Variants in RPAP1 observed in about 807,000 individuals in gnomAD.
RPAP1 encodes the protein RNA polymerase II-associated protein 1.
RPAP1 carries 109 observed loss-of-function variants against 142.4 expected under a neutral mutation model. The ratio of observed to expected loss-of-function variants is 0.77; its 90% CI spans 0.66 to 0.90. The LOEUF (loss-of-function observed/expected upper bound fraction) is 0.90, where lower values mean the gene tolerates loss of function less well. RPAP1 is among the 40% of genes least tolerant of loss of function. The pLI, the probability that RPAP1 is intolerant of heterozygous loss-of-function variation, is 0.00. For synonymous variants in RPAP1, 704 were observed against 738.9 expected (o/e 0.95, Z 0.77); for missense variants, 1,546 against 1,751.7 (o/e 0.88, Z 2.10).
chr15:41,527,016 G>T lies in RPAP1; in HGVS notation c.1799C>A (p.Thr600Asn). Reference protein sequence around the residue: ...IETIVREFLPTSWSPVGAGPT... With the variant: ...IETIVREFLPNSWSPVGAGPT... Reference sequence around the variant, plus strand: ...CCCTGCCCCCACAGGAGACCAACTGGTGGGCAAGAACTCTCGAACTATAGT... The same window carrying T: ...CCCTGCCCCCACAGGAGACCAACTGTTGGGCAAGAACTCTCGAACTATAGT... The change falls in exon 14 of 25, where the codon ACC (threonine) becomes AAC (asparagine). Residue 600 changes from threonine to asparagine, a missense_variant. By Grantham distance (65) the Thr-to-Asn change is moderately conservative (BLOSUM62 0). Transcript: ENST00000304330. 1.2e-6 allele frequency: 2 copies of T among 1,614,208 alleles called. No homozygotes were observed. The highest frequency in any genetic ancestry group is 1.7e-6 in the Non-Finnish European group (2 of 1,180,034).
chr15:41,531,689 G>A (rs565066068), intron 6 of RPAP1, among the ~76,000 whole-genome samples: 2 of 137,910 alleles, frequency 1.5e-5, no homozygotes, highest in East Asian at 2.1e-4. Flanking sequence ...CGCCCGGGCT[G>A]GAGTGCAGTG....
chr15:41,534,609 G>GCA (rs2051888766), intron 6 of RPAP1, 105 bp downstream of exon 6: 2 of 269,882 alleles, frequency 7.4e-6, no homozygotes, highest in African/African-American at 6.2e-5. Context: ...AAAAAAAAAA[G>GCA]CATTAAAGTA....
intron 1 of RPAP1, among the ~76,000 whole-genome samples, chr15:41,539,376 C>T (rs1219335113): frequency 6.6e-6 from 1 of 152,074 alleles, no homozygotes; most frequent in Non-Finnish European, 1.5e-5. Context: ...CTCACTGCAA[C>T]CTCTGACTCC....
intron 14 of RPAP1, among the ~76,000 whole-genome samples, chr15:41,525,390 G>A (rs2051781178): frequency 6.6e-6 from 1 of 151,986 alleles, no homozygotes; most frequent in African/African-American, 2.4e-5. Flanking sequence ...CCTGGCTGGA[G>A]TGCAGTGGAG....
At chr15:41,531,264 C>T in intron 6 of RPAP1, 62 bp from the exon 7 acceptor site, 2 of 1,478,362 alleles carry the variant, frequency 1.4e-6, no homozygotes, top group Non-Finnish European at 1.9e-6. Flanking sequence ...TCCTACAGAC[C>T]TGGAACCCGC....
rs981802213 is a variant in RPAP1 at position 41,536,928 on chromosome 15, C to T, written c.181+17G>A. The T allele has an allele frequency of 6.2e-7, 1 of 1,610,740 alleles. No individual in the cohort carries two copies. Among genetic ancestry groups the T allele is most frequent in the Admixed American group, 1.7e-5 (1 of 59,872 alleles). Reference sequence around the variant, plus strand: ...GTACCCTCTCTACTTCTCAGCCTCACATCCATGGGAACTCACTGTCCAACA... The same window carrying T: ...GTACCCTCTCTACTTCTCAGCCTCATATCCATGGGAACTCACTGTCCAACA... On this transcript the variant is annotated intron_variant, in intron 2 of 24. Coordinates refer to ENST00000304330, the MANE Select transcript of RPAP1 (RefSeq NM_015540.4).
At chr15:41,523,043 A>G in intron 18 of RPAP1, 83 bp from the exon 19 acceptor site, 2 of 1,215,082 alleles carry the variant, frequency 1.6e-6, no homozygotes, top group Non-Finnish European at 2.2e-6. Flanking sequence ...TGTACCTAAG[A>G]CTAACGGGGG....
At chr15:41,533,914 G>A (rs1280414596) in intron 6 of RPAP1, among the ~76,000 whole-genome samples, 4 of 151,800 alleles carry the variant, frequency 2.6e-5, no homozygotes, top group Non-Finnish European at 1.5e-5. Context: ...CTGAGGTCAG[G>A]AGTTCGACAC....
chr15:41,540,198 C>T (rs952963231), intron 1 of RPAP1, among the ~76,000 whole-genome samples: 2 of 152,144 alleles, frequency 1.3e-5, no homozygotes, highest in Non-Finnish European at 2.9e-5. Context: ...ATTGTTATAT[C>T]TAACACTTAT....
chr15:41,523,740 G>C lies in RPAP1; in HGVS notation c.2436+31C>G, dbSNP rs775434256. 3.2e-6 allele frequency: 5 copies of C among 1,555,114 alleles called. No individual in the cohort carries two copies. The South Asian group carries it at 4.7e-5, about 15-fold the overall frequency. ...ATGTAGCTGAAGGCAGGGTGCGGGG[G>C]CCTGGTGGACAGCCGGCAGGAGGCA... On this transcript the variant is annotated intron_variant, in intron 17 of 24. Coordinates refer to ENST00000304330, the MANE Select transcript of RPAP1 (RefSeq NM_015540.4).
chr15:41,535,465 G>T (rs1303801827), intron 5 of RPAP1, 47 bp downstream of exon 5: 1 of 1,552,662 alleles, frequency 6.4e-7, no homozygotes, highest in Non-Finnish European at 8.7e-7. Flanking sequence ...CCCTATGATT[G>T]TGTCTTTTAA....
intron 1 of RPAP1, among the ~76,000 whole-genome samples, chr15:41,538,989 A>T (rs2051943237): frequency 6.6e-6 from 1 of 152,234 alleles, no homozygotes; most frequent in Non-Finnish European, 1.5e-5. Flanking sequence ...GTAGATTAGT[A>T]GTTGCCAGGG....
At chr15:41,526,028 C>G (rs1295656759) in intron 14 of RPAP1, among the ~76,000 whole-genome samples, 1 of 152,120 alleles carries the variant, frequency 6.6e-6, no homozygotes, top group African/African-American at 2.4e-5. Context: ...TGGCTCACTC[C>G]ACCCTCCATC....
At position 41,534,748 on chromosome 15, in the gene RPAP1, G is replaced by A. The variant is rs970709653; in HGVS notation, c.729C>T (p.Ile243=). Residue 243 remains isoleucine (I), a synonymous_variant, in exon 6 of 25, where the codon ATC becomes ATT. Transcript: ENST00000304330. ...CCAGCAACCGCTGCTGTTCCTGCAG[G>A]ATCTCCTCAGGAGCCATGGCCTGCA... is the stretch of plus-strand genomic sequence containing the variant. The part of the protein sequence containing the change: ...ARLQAMAPEE[I]LQEQQRLLAQ... 8 of 1,613,954 alleles carry A rather than the reference G, an allele frequency of 5.0e-6. No homozygotes were observed. Among genetic ancestry groups the A allele is most frequent in the Non-Finnish European group, 5.9e-6 (7 of 1,180,034 alleles).
chr15:41,543,042 T>G (rs1443785005), intron 1 of RPAP1, among the ~76,000 whole-genome samples: 1 of 151,998 alleles, frequency 6.6e-6, no homozygotes, highest in Non-Finnish European at 1.5e-5. Flanking sequence ...AAAAGCAAAG[T>G]CCAGCTCACT....
At chr15:41,535,791 G>C (rs2051900660) in intron 4 of RPAP1, among the ~76,000 whole-genome samples, 159 bp from the exon 5 acceptor site, 1 of 152,210 alleles carries the variant, frequency 6.6e-6, no homozygotes, top group Non-Finnish European at 1.5e-5. Context: ...AGGTCTATAA[G>C]AGTAAAGGTC....
At chr15:41,520,112 T>G in intron 22 of RPAP1, 1 of 389,916 alleles carries the variant, frequency 2.6e-6, no homozygotes, top group Non-Finnish European at 4.8e-6. Flanking sequence ...TTTTGTATTT[T>G]TAGTAGAAAT....
At chr15:41,535,430 C>G in intron 5 of RPAP1, 82 bp downstream of exon 5, 1 of 1,501,344 alleles carries the variant, frequency 6.7e-7, no homozygotes, top group Non-Finnish European at 8.9e-7. Flanking sequence ...TCATTTGAGG[C>G]AGGAAGACAT....
chr15:41,536,084 C>A, intron 4 of RPAP1, 45 bp downstream of exon 4: 1 of 1,429,586 alleles, frequency 7.0e-7, no homozygotes, highest in Non-Finnish European at 9.9e-7. Flanking sequence ...CTATGAGACT[C>A]ACCTGTCTGT....
Sources: gnomAD v4.1 joint callset for allele counts (sites outside exome capture counted in the v4.1 genomes callset) on GRCh38, gnomAD v4.1.1 for gene constraint, MANE v1.5 for transcripts, NCBI Gene and HGNC (gene_info 2026-07-23, HGNC 2026-07-21) for gene names.